The following AGA variants were observed in gnomAD, a reference collection of about 807,000 sequenced individuals.
The protein encoded by AGA is aspartylglucosaminidase.
AGA carries 31 observed loss-of-function variants against 40.1 expected under a neutral mutation model. The observed-to-expected ratio is 0.77, with a 90% CI of 0.58 to 1.04. The LOEUF is 1.04. Among genes scored for constraint, AGA ranks in the 50% least tolerant of loss-of-function variants. The pLI, the probability that AGA is intolerant of heterozygous loss-of-function variation, is 0.00. For synonymous variants in AGA, 148 were observed against 144.0 expected, an observed-to-expected ratio of 1.03 and a Z score of -0.20; for missense variants, 445 against 435.4, an observed-to-expected ratio of 1.02 and a Z score of -0.20.
At chr4:177,441,688 GTGGGCCCCGGCAGGA>G (rs1211314147) in intron 1 of AGA, among the ~76,000 whole-genome samples, 1 of 152,258 alleles carries the variant, frequency 6.6e-6, no homozygotes, top group East Asian at 1.9e-4. Context: ...GTCACAGGAG[GTGGGCCCCGGCAGGA>G]TGATTTTTGA....
intron 3 of AGA, 53 bp from the exon 4 acceptor site, chr4:177,438,910 C>T: frequency 1.8e-6 from 2 of 1,099,216 alleles, no homozygotes; most frequent in South Asian, 1.3e-5. Flanking sequence ...GTCTTTTCAA[C>T]AAAAATATAT....
Position 177,438,816 on chromosome 4 carries a change from A to C in AGA, c.436T>G (p.Leu146Val), listed in dbSNP as rs146381591. 8.5e-4 allele frequency: 1,363 copies of C among 1,610,472 alleles called. 4 individuals carry two copies. The highest frequency in any genetic ancestry group is 4.6e-3 in the Middle Eastern group (28 of 6,052). The change falls in exon 4 of 9, where the codon TTA becomes GTA. Residue 146 changes from leucine (L) to valine (V), a missense_variant. By Grantham distance (32) the Leu-to-Val change is conservative. Coordinates refer to ENST00000264595, the MANE Select transcript of AGA (RefSeq NM_000027.4). ...AQSMGFINED[L>V]STTASQALHS... ...AGAGCTTGAGAAGCAGTGGTAGATA[A>C]GTCTTCATTGATAAACCCCATACTT...
intron 4 of AGA, 93 bp downstream of exon 4, chr4:177,438,652 G>A: frequency 1.2e-6 from 1 of 860,430 alleles, no homozygotes; most frequent in Non-Finnish European, 1.9e-6. Flanking sequence ...ATGCTAACCA[G>A]TACCCTGGAC....
At position 177,442,348 on chromosome 4, in the gene AGA, G is replaced by C. The variant is rs753394137; in HGVS notation, c.28C>G (p.Leu10Val). 10 of 1,614,014 alleles carry C rather than the reference G, an allele frequency of 6.2e-6. No individual in the cohort carries two copies. The highest frequency in any genetic ancestry group is 8.5e-7 in the Non-Finnish European group (1 of 1,179,966). ...TGGCAGAGCAGAAACGGCACGAGAA[G>C]CACAGGCAAGTTCGACTTCCGCGCC... is the stretch of plus-strand genomic sequence containing the variant. Reference protein sequence around the residue: MARKSNLPVLLVPFLLCQAL... With the variant: MARKSNLPVVLVPFLLCQAL... Residue 10 changes from leucine (L) to valine (V), a missense_variant, in exon 1 of 9, where the codon CTT becomes GTT. Physicochemically the swap from Leu to Val is conservative, Grantham distance 32. Transcript: ENST00000264595.
In AGA at chr4:177,431,182, T is replaced by C. The variant is rs1736618615; in HGVS notation, c.*526A>G. On this transcript the variant is annotated 3_prime_UTR_variant, in exon 9 of 9. Coordinates refer to ENST00000264595, the MANE Select transcript of AGA (RefSeq NM_000027.4). ...TTTCTAGTATGTACAAAACAAAGAGTATCTCATGTTCTATCATCTTCCTTC... is the reference window on the plus strand; with the variant it reads ...TTTCTAGTATGTACAAAACAAAGAGCATCTCATGTTCTATCATCTTCCTTC... The C allele has an allele frequency of 2.3e-6, 1 of 438,642 alleles. No homozygotes were observed. Among genetic ancestry groups the C allele is most frequent in the African/African-American group, 2.0e-5 (1 of 49,034 alleles). 27.2% of individuals were successfully genotyped at this position (438,642 alleles called of 1,614,324 possible).
intron 5 of AGA, 27 bp from the exon 6 acceptor site, chr4:177,436,378 G>T: frequency 1.3e-6 from 2 of 1,550,716 alleles, no homozygotes; most frequent in Non-Finnish European, 1.8e-6. Context: ...AAAAATCACT[G>T]TAGGTGTATA....
Position 177,442,329 on chromosome 4 carries a change from A to G in AGA, c.47T>C (p.Leu16Pro), listed in dbSNP as rs1737063608. 2 of 1,614,000 alleles carry G rather than the reference A, an allele frequency of 1.2e-6. No homozygotes were observed. The change falls in exon 1 of 9, where the codon CTC (leucine) becomes CCC (proline). Residue 16 changes from leucine (L) to proline (P), a missense_variant. Coordinates refer to ENST00000264595, the MANE Select transcript of AGA (RefSeq NM_000027.4). ...GGAGCAGCGCACTAGGGCCTGGCAG[A>G]GCAGAAACGGCACGAGAAGCACAGG... Reference protein sequence around the residue: ...NLPVLLVPFLLCQALVRCSSP... With the variant: ...NLPVLLVPFLPCQALVRCSSP...
At chr4:177,441,510 A>C (rs1032094639) in intron 1 of AGA, among the ~76,000 whole-genome samples, 6 of 152,166 alleles carry the variant, frequency 3.9e-5, no homozygotes, top group African/African-American at 1.4e-4. Context: ...AAGGTGTAGA[A>C]GGCAGGAACC....
chr4:177,441,634 T>C (rs1451510970), intron 1 of AGA, among the ~76,000 whole-genome samples: 1 of 152,054 alleles, frequency 6.6e-6, no homozygotes, highest in Non-Finnish European at 1.5e-5. Context: ...CTAGGGAGCT[T>C]TTTAAAGAAA....
At chr4:177,440,485 T>C in intron 1 of AGA, 59 bp from the exon 2 acceptor site, 17 of 1,562,446 alleles carry the variant, frequency 1.1e-5, no homozygotes, top group Non-Finnish European at 1.5e-5. Context: ...CAATGCCAAA[T>C]GCAACAAACC....
chr4:177,434,494 G>A lies in AGA; in HGVS notation c.699-5C>T, dbSNP rs1324665450. On this transcript the variant is annotated splice_region_variant and splice_polypyrimidine_tract_variant and intron_variant, in intron 6 of 8. Transcript: ENST00000264595. ...ATTGGTGAGTCTCCTACACGGCTTT[G>A]AGAGGGTATTAACAATTTACGGCAG... 6.2e-7 allele frequency: 1 copy of A among 1,612,732 alleles called. No homozygotes were observed. Among genetic ancestry groups the A allele is most frequent in the East Asian group, 2.2e-5 (1 of 44,874 alleles).
chr4:177,437,592 G>A (rs577007132), intron 4 of AGA, 73 bp from the exon 5 acceptor site: 102 of 1,035,734 alleles, frequency 9.8e-5, no homozygotes, highest in Non-Finnish European at 1.1e-4. Context: ...ATGTACAATC[G>A]CTAAACACTA....
At chr4:177,441,262 T>G (rs1737000350) in intron 1 of AGA, among the ~76,000 whole-genome samples, 1 of 152,142 alleles carries the variant, frequency 6.6e-6, no homozygotes, top group Admixed American at 6.5e-5. Flanking sequence ...TGCAATTTCT[T>G]TTCGTCTCAT....
chr4:177,442,245 G>A lies in AGA; in HGVS notation c.127+4C>T. On this transcript the variant is annotated splice_donor_region_variant and intron_variant, in intron 1 of 8. Transcript: ENST00000264595. ...AGCCGCCCGCCCAGGCCGCCAACCC[G>A]CACCTGCTTCGGTTGCATTCTTAAA... The A allele has an allele frequency of 1.2e-6, 2 of 1,613,568 alleles. No homozygotes were observed. Among genetic ancestry groups the A allele is most frequent in the Non-Finnish European group, 1.7e-6 (2 of 1,179,812 alleles).
chr4:177,434,538 C>T (rs766595947), intron 6 of AGA, 49 bp from the exon 7 acceptor site: 3 of 1,455,504 alleles, frequency 2.1e-6, no homozygotes, highest in South Asian at 1.1e-5. Flanking sequence ...GTGTAAAACA[C>T]ATTAAGTCAT....
rs1737072038 is a variant in AGA, at chr4:177,442,428, C to T, written c.-53G>A. 2 of 1,612,756 alleles carry T rather than the reference C, an allele frequency of 1.2e-6. No individual in the cohort carries two copies. The highest frequency in any genetic ancestry group is 2.2e-5 in the South Asian group (2 of 91,032). ...GAAAAGTCCCGGCAGCCAGCGATCG[C>T]CGAACAATTAATCCCCAGTGCCCCG... On this transcript the variant is annotated 5_prime_UTR_variant, in exon 1 of 9. Coordinates refer to ENST00000264595, the MANE Select transcript of AGA (RefSeq NM_000027.4).
intron 6 of AGA, among the ~76,000 whole-genome samples, chr4:177,434,871 C>T (rs1736759761): frequency 6.6e-6 from 1 of 151,222 alleles, no homozygotes; most frequent in Admixed American, 6.6e-5. Context: ...AGGTTAATAA[C>T]AATAGAGTGC....
rs377622082 is a variant in AGA, at chr4:177,431,813, G to A, written c.941-5C>T. The A allele has an allele frequency of 1.7e-5, 27 of 1,611,412 alleles. No homozygotes were observed. The African/African-American group carries it at 3.2e-4, about 19-fold the overall frequency. On this transcript the variant is annotated splice_region_variant and splice_polypyrimidine_tract_variant and intron_variant, in intron 8 of 8. Coordinates refer to ENST00000264595, the MANE Select transcript of AGA (RefSeq NM_000027.4). ...AAAGTTTATTGCAAGCAGCACCTGG[G>A]GCCAAAAATGAGAAAGAAGTTTGGT...
In AGA at chr4:177,435,521, C is replaced by T. The variant is rs1161541645; in HGVS notation, c.698+755G>A. 4.6e-5 allele frequency among the ~76,000 whole-genome samples: 7 copies of T among 152,084 alleles called. No homozygotes were observed. In the South Asian group the frequency reaches 6.2e-4, roughly 14 times the overall value. On this transcript the variant is annotated intron_variant, in intron 6 of 8. Coordinates refer to ENST00000264595, the MANE Select transcript of AGA (RefSeq NM_000027.4). ...GTTTCCCTCATCTATAATCTATTTC[C>T]GCTTCCTATGTAATGTGCCAAACTT...
Sources: gnomAD v4.1 joint callset for allele counts (sites outside exome capture counted in the v4.1 genomes callset) on GRCh38, gnomAD v4.1.1 for gene constraint, MANE v1.5 for transcripts, NCBI Gene and HGNC (gene_info 2026-07-23, HGNC 2026-07-21) for gene names.